Variants in CTNNA3 observed in about 807,000 individuals in gnomAD.
The protein encoded by CTNNA3 is catenin alpha 3.
Under a neutral mutation model 95.7 loss-of-function variants are expected in CTNNA3, and 76 were observed. The ratio of observed to expected loss-of-function variants is 0.79; its 90% CI spans 0.66 to 0.96. The LOEUF (loss-of-function observed/expected upper bound fraction) is 0.96, where lower values mean the gene tolerates loss of function less well. Ranked by LOEUF, CTNNA3 falls within the 40% of genes least tolerant of loss-of-function variation. The probability of loss-of-function intolerance (pLI) is 0.00; values close to 1 mark genes in which losing one functional copy is unlikely to be tolerated. For synonymous variants in CTNNA3, 431 were observed against 374.4 expected, an observed-to-expected ratio of 1.15 and a Z score of -1.74; for missense variants, 1,191 against 1,089.8, an observed-to-expected ratio of 1.09 and a Z score of -1.31.
chr10:66,075,149 T>C (rs2080525542), intron 14 of CTNNA3, among the ~76,000 whole-genome samples: 2 of 151,892 alleles, frequency 1.3e-5, no homozygotes, highest in Admixed American at 1.3e-4. Flanking sequence ...TTCATCTTCA[T>C]ATCTGCTTAT....
chr10:66,606,992 T>A (rs904975416), intron 10 of CTNNA3, among the ~76,000 whole-genome samples: 3 of 151,238 alleles, frequency 2.0e-5, no homozygotes, highest in Non-Finnish European at 3.0e-5. Flanking sequence ...AATCCAGGAG[T>A]TGGTTTTTTG....
At chr10:67,177,155 G>A (rs1862283904) in intron 7 of CTNNA3, among the ~76,000 whole-genome samples, 1 of 152,128 alleles carries the variant, frequency 6.6e-6, no homozygotes, top group African/African-American at 2.4e-5. Flanking sequence ...GTGGTTGTCT[G>A]TTTTGTCCGT....
At chr10:66,286,436 C>T (rs2091590305) in intron 12 of CTNNA3, among the ~76,000 whole-genome samples, 1 of 152,024 alleles carries the variant, frequency 6.6e-6, no homozygotes, top group African/African-American at 2.4e-5. Context: ...TTTAGAATCA[C>T]TCACCATCCT....
intron 10 of CTNNA3, among the ~76,000 whole-genome samples, chr10:66,555,903 A>C (rs1272846868): frequency 6.6e-6 from 1 of 152,152 alleles, no homozygotes; most frequent in East Asian, 1.9e-4. Flanking sequence ...TCTGCACAGA[A>C]ATAAAAAAGA....
chr10:66,203,831 T>C (rs1209077140), intron 13 of CTNNA3, among the ~76,000 whole-genome samples: 3 of 152,160 alleles, frequency 2.0e-5, no homozygotes, highest in Admixed American at 2.0e-4. Context: ...ATTTGCTAAC[T>C]CTATCTTCTC....
At chr10:66,940,933 G>T (rs759752185) in intron 7 of CTNNA3, among the ~76,000 whole-genome samples, 1 of 152,070 alleles carries the variant, frequency 6.6e-6, no homozygotes, top group South Asian at 2.1e-4. Context: ...TAACTATATC[G>T]TAGCTCAAAG....
intron 12 of CTNNA3, among the ~76,000 whole-genome samples, chr10:66,338,854 T>C (rs1401710343): frequency 6.6e-6 from 1 of 151,832 alleles, no homozygotes; most frequent in African/African-American, 2.4e-5. Context: ...CCTAAGGAAA[T>C]TATCTTAACT....
rs539870604 is a variant in CTNNA3 at position 66,199,303 on chromosome 10, T to G, written c.1884+81167A>C. 2.8e-4 allele frequency among the ~76,000 whole-genome samples: 43 copies of G among 152,278 alleles called. No individual in the cohort carries two copies. In the South Asian group the frequency reaches 7.7e-3, roughly 27 times the overall value. ...AGCATTATAATATAACATAGTACATTGTTTTCAACCTACTCTCACGAAATA... is the reference window on the plus strand; with the variant it reads ...AGCATTATAATATAACATAGTACATGGTTTTCAACCTACTCTCACGAAATA... On this transcript the variant is annotated intron_variant, in intron 13 of 17. Transcript: ENST00000433211.
chr10:66,071,321 A>G (rs528924045), intron 14 of CTNNA3, among the ~76,000 whole-genome samples: 1 of 37,146 alleles, frequency 2.7e-5, no homozygotes, highest in African/African-American at 8.6e-5. Context: ...TTTTTCAATC[A>G]CTGCCATCTG....
chr10:66,472,962 T>C (rs975256170), intron 11 of CTNNA3, among the ~76,000 whole-genome samples: 3 of 151,958 alleles, frequency 2.0e-5, no homozygotes, highest in African/African-American at 4.8e-5. Flanking sequence ...ATGACATTGG[T>C]AGAAAAGAGA....
intron 7 of CTNNA3, among the ~76,000 whole-genome samples, chr10:67,087,048 C>T (rs1473721624): frequency 6.6e-5 from 10 of 151,962 alleles, no homozygotes; most frequent in South Asian, 2.1e-4. Context: ...AAACACAGCA[C>T]CAAGATTAGA....
chr10:66,446,752 T>A (rs985629417), intron 11 of CTNNA3, among the ~76,000 whole-genome samples: 1 of 152,148 alleles, frequency 6.6e-6, no homozygotes, highest in African/African-American at 2.4e-5. Flanking sequence ...GCATTCCCTT[T>A]GAAAACTGGC....
At chr10:66,227,960 T>C (rs961995014) in intron 13 of CTNNA3, among the ~76,000 whole-genome samples, 1 of 152,170 alleles carries the variant, frequency 6.6e-6, no homozygotes, top group Non-Finnish European at 1.5e-5. Flanking sequence ...TATTGGCATA[T>C]AGTTGTTCAC....
chr10:66,458,995 T>C (rs1304539819), intron 11 of CTNNA3, among the ~76,000 whole-genome samples: 2 of 152,066 alleles, frequency 1.3e-5, no homozygotes, highest in Non-Finnish European at 2.9e-5. Flanking sequence ...ATGCAGATAT[T>C]TTCAATAAAA....
At chr10:66,179,540 C>T (rs193007446) in intron 13 of CTNNA3, among the ~76,000 whole-genome samples, 1 of 152,102 alleles carries the variant, frequency 6.6e-6, no homozygotes, top group African/African-American at 2.4e-5. Context: ...CATATTATTT[C>T]TTATAAATGC....
intron 12 of CTNNA3, among the ~76,000 whole-genome samples, chr10:66,324,868 C>A (rs1360411257): frequency 7.7e-6 from 1 of 130,716 alleles, no homozygotes; most frequent in Non-Finnish European, 1.7e-5. Flanking sequence ...AATGAAGATA[C>A]CCTGTCATAA....
At chr10:67,323,184 G>A (rs1406576488) in intron 5 of CTNNA3, among the ~76,000 whole-genome samples, 1 of 152,064 alleles carries the variant, frequency 6.6e-6, no homozygotes, top group Non-Finnish European at 1.5e-5. Context: ...TGACTCTTTT[G>A]ATAGCTTCCT....
chr10:66,492,397 C>T (rs952199729), intron 11 of CTNNA3, among the ~76,000 whole-genome samples: 1 of 152,096 alleles, frequency 6.6e-6, no homozygotes, highest in Admixed American at 6.5e-5. Flanking sequence ...AATTCTCCCA[C>T]CTCAGCCTCC....
chr10:66,228,899 CT>C (rs1429891885), intron 13 of CTNNA3, among the ~76,000 whole-genome samples: 1 of 152,018 alleles, frequency 6.6e-6, no homozygotes, highest in Admixed American at 6.6e-5. Context: ...ATAACTTTGT[CT>C]CTTTTAATGT....
Sources: gnomAD v4.1 joint callset for allele counts (sites outside exome capture counted in the v4.1 genomes callset) on GRCh38, gnomAD v4.1.1 for gene constraint, MANE v1.5 for transcripts, NCBI Gene and HGNC (gene_info 2026-07-23, HGNC 2026-07-21) for gene names.